Variants in HERC3 observed in about 807,000 individuals in gnomAD.
The protein encoded by HERC3 is probable E3 ubiquitin-protein ligase HERC3.
A neutral mutation model predicts 129.9 loss-of-function variants in HERC3; 58 were observed. That is an observed-to-expected ratio of 0.45 (90% confidence interval 0.36 to 0.56). The LOEUF (loss-of-function observed/expected upper bound fraction) is 0.56. HERC3 is among the 20% of genes least tolerant of loss of function. The pLI, the probability that HERC3 is intolerant of heterozygous loss-of-function variation, is 0.00. For synonymous variants in HERC3, 430 were observed against 451.0 expected (o/e 0.95, Z 0.59); for missense variants, 835 against 1,244.2 (o/e 0.67, Z 4.95).
chr4:88,560,018 G>A, the HERC3 span, among the ~76,000 whole-genome samples: 2 of 148,498 alleles, frequency 1.3e-5, no homozygotes, highest in South Asian at 4.2e-4. Flanking sequence ...GGAGTGCAAT[G>A]GTGTAATCTT....
chr4:88,658,599 C>G (rs2149283170), intron 10 of HERC3, 108 bp downstream of exon 10: 1 of 550,856 alleles, frequency 1.8e-6, no homozygotes, highest in East Asian at 3.1e-5. Flanking sequence ...TTTGTTTCTA[C>G]CAATCCTATG....
At chr4:88,557,169 G>A in the HERC3 span, among the ~76,000 whole-genome samples, 1 of 151,976 alleles carries the variant, frequency 6.6e-6, no homozygotes, top group African/African-American at 2.4e-5. Context: ...ATCTTTGCTA[G>A]GCAACCATAG....
intron 1 of HERC3, among the ~76,000 whole-genome samples, chr4:88,594,362 G>A (rs1205158827): frequency 2.0e-5 from 3 of 152,152 alleles, no homozygotes; most frequent in Non-Finnish European, 4.4e-5. Context: ...TCTCCAGATC[G>A]AATGGGATTT....
the HERC3 span, among the ~76,000 whole-genome samples, chr4:88,569,429 G>A: frequency 6.6e-6 from 1 of 152,200 alleles, no homozygotes; most frequent in South Asian, 2.1e-4. Flanking sequence ...CCCAGGTACT[G>A]TGATTGCTCA....
chr4:88,614,284 A>G (rs1438257982), intron 3 of HERC3, among the ~76,000 whole-genome samples: 3 of 152,160 alleles, frequency 2.0e-5, no homozygotes, highest in Non-Finnish European at 4.4e-5. Flanking sequence ...TAAAGGAGGA[A>G]AGAAAAGGGA....
intron 10 of HERC3, 77 bp from the exon 11 acceptor site, chr4:88,662,354 A>T: frequency 5.0e-6 from 7 of 1,391,310 alleles, no homozygotes; most frequent in Non-Finnish European, 6.9e-6. Context: ...AAAATGGAGA[A>T]TATGTGGGAG....
At chr4:88,634,218 A>G (rs574506094) in intron 3 of HERC3, among the ~76,000 whole-genome samples, 61 of 152,266 alleles carry the variant, frequency 4.0e-4, no homozygotes, top group Middle Eastern at 3.4e-3. Flanking sequence ...GAACTGTGCA[A>G]CCCACAGATC....
chr4:88,696,851 AGC>A (rs1305056347), intron 23 of HERC3: 1 of 213,610 alleles, frequency 4.7e-6, no homozygotes, highest in African/African-American at 2.3e-5. Flanking sequence ...TTCCATGTGT[AGC>A]GTATGCTGTG....
chr4:88,680,584 C>T (rs1732665229), intron 20 of HERC3, among the ~76,000 whole-genome samples: 1 of 152,188 alleles, frequency 6.6e-6, no homozygotes, highest in Admixed American at 6.5e-5. Context: ...TATATTTTCA[C>T]ACACATGTGC....
intron 9 of HERC3, 99 bp downstream of exon 9, chr4:88,656,134 G>A: frequency 2.6e-6 from 3 of 1,146,440 alleles, no homozygotes; most frequent in East Asian, 2.5e-5. Context: ...TCTTTTGGAG[G>A]GAATGAAGAT....
chr4:88,606,640 T>G (rs886407675), intron 3 of HERC3, among the ~76,000 whole-genome samples: 3 of 151,978 alleles, frequency 2.0e-5, no homozygotes, highest in Admixed American at 6.6e-5. Flanking sequence ...TGGCAGAAGG[T>G]GAAAGGCATG....
chr4:88,629,444 GAT>G (rs1424678387), intron 3 of HERC3, among the ~76,000 whole-genome samples: 16 of 152,148 alleles, frequency 1.1e-4, no homozygotes, highest in South Asian at 2.1e-4. Flanking sequence ...TATTCATACT[GAT>G]CTGTATCAAC....
chr4:88,563,278 T>C, the HERC3 span, among the ~76,000 whole-genome samples: 25,092 of 152,162 alleles, frequency 0.16, 2,375 homozygotes, highest in Admixed American at 0.25. Flanking sequence ...GGTTGCTTTG[T>C]TGATTTCTTT....
chr4:88,590,968 C>T (rs997446451), upstream of HERC3, among the ~76,000 whole-genome samples: 1 of 151,032 alleles, frequency 6.6e-6, no homozygotes, highest in Non-Finnish European at 1.5e-5. Context: ...CAGCTTACTG[C>T]AACCTCCGCC....
the HERC3 span, among the ~76,000 whole-genome samples, chr4:88,587,382 A>G: frequency 1.3e-5 from 2 of 152,210 alleles, no homozygotes; most frequent in Admixed American, 1.3e-4. Flanking sequence ...TTGGATTGGG[A>G]AAAATGTTGT....
rs1731221180 is a variant in HERC3 at position 88,668,003 on chromosome 4, T to C, written c.1555T>C (p.Ser519Pro). The change falls in exon 14 of 26, where the codon TCC (serine) becomes CCC (proline). Residue 519 changes from serine (S) to proline (P), a missense_variant. Coordinates refer to ENST00000402738, the MANE Select transcript of HERC3 (RefSeq NM_014606.3). ...ACCTGAGTTTCCCCTACTCCAGGAT[T>C]CCAAGTATTATATAACATTGACTAT... is the stretch of plus-strand genomic sequence containing the variant. Reference protein sequence around the residue: ...ILPEFPLLQDSKYYITLTIPL... With the variant: ...ILPEFPLLQDPKYYITLTIPL... 1 of 1,613,528 alleles carries C rather than the reference T, an allele frequency of 6.2e-7. No individual in the cohort carries two copies.
At position 88,664,212 on chromosome 4, in the gene HERC3, A is replaced by G; in HGVS notation, c.1331A>G (p.Lys444Arg). The G allele has an allele frequency of 1.2e-6, 2 of 1,612,296 alleles. No individual in the cohort carries two copies. The highest frequency in any genetic ancestry group is 1.7e-6 in the Non-Finnish European group (2 of 1,178,652). ...TGGAATGGAAGTTTTCTTGAAAAAAAGTAAGTGACTTAGAGCCTTAAAAAA... is the reference window on the plus strand; with the variant it reads ...TGGAATGGAAGTTTTCTTGAAAAAAGGTAAGTGACTTAGAGCCTTAAAAAA... ...ACWNGSFLEK[K>R]IDEHFKTSPK... Residue 444 changes from lysine (K) to arginine (R), a missense_variant and splice_region_variant, in exon 12 of 26, where the codon AAA becomes AGA. By Grantham distance (26) the Lys-to-Arg change is conservative. Transcript: ENST00000402738.
intron 23 of HERC3, chr4:88,697,026 T>A (rs907240720): frequency 8.7e-5 from 48 of 549,678 alleles, no homozygotes; most frequent in Non-Finnish European, 6.1e-5. Context: ...GAAAGTCAAA[T>A]TTGAATCGAG....
intron 25 of HERC3, 85 bp from the exon 26 acceptor site, chr4:88,706,667 T>C (rs968693709): frequency 9.6e-6 from 10 of 1,039,848 alleles, no homozygotes; most frequent in Admixed American, 1.9e-5. Context: ...CAGGGTGTCA[T>C]GCCTTCCTCT....
Sources: allele counts gnomAD v4.1 joint callset (sites outside exome capture counted in the v4.1 genomes callset), GRCh38; gene constraint gnomAD v4.1.1; transcripts MANE v1.5; gene names NCBI Gene and HGNC (gene_info 2026-07-23, HGNC 2026-07-21).